The following CACNA2D2 variants were observed in gnomAD, a reference collection of about 807,000 sequenced individuals.
The protein encoded by CACNA2D2 is voltage-dependent calcium channel subunit alpha-2/delta-2.
A neutral mutation model predicts 166.4 loss-of-function variants in CACNA2D2; 48 were observed. The observed-to-expected ratio is 0.29, with a 90% CI of 0.23 to 0.37. The LOEUF is 0.37. Among genes scored for constraint, CACNA2D2 ranks in the 10% least tolerant of loss-of-function variants. The pLI, the probability that CACNA2D2 is intolerant of heterozygous loss-of-function variation, is 1.00. For missense variants in CACNA2D2, 1,122 were observed against 1,433.0 expected, an observed-to-expected ratio of 0.78 and a Z score of 3.50; for synonymous variants, 561 against 573.7, an observed-to-expected ratio of 0.98 and a Z score of 0.32.
Position 50,367,445 on chromosome 3 carries a change from G to C in CACNA2D2, c.2350C>G (p.Arg784Gly). The C allele has an allele frequency of 1.9e-6, 3 of 1,613,954 alleles. No individual in the cohort carries two copies. The highest frequency in any genetic ancestry group is 1.7e-5 in the Admixed American group (1 of 60,020). The change falls in exon 27 of 38, where the codon CGC (arginine) becomes GGC (glycine). Residue 784 changes from arginine to glycine, a missense_variant. Around this residue, in one of 2 missense-constraint regions of CACNA2D2, gnomAD observed 840 missense variants for 1,166.8 expected, o/e 0.72. Transcript: ENST00000424201. This position sits in a 1 kb window ranked among gnomAD's most constrained non-coding sequence, Gnocchi z 6.5. Reference protein sequence around the residue: ...NPEPFNASFYRRSLDNHGYVF... With the variant: ...NPEPFNASFYGRSLDNHGYVF... ...TAACCGTGGTTATCCAGGCTGCGGCGGTAGAAGCTGGCATTGAAGGGCTCA... is the reference window on the plus strand; with the variant it reads ...TAACCGTGGTTATCCAGGCTGCGGCCGTAGAAGCTGGCATTGAAGGGCTCA...
At chr3:50,476,258 A>T (rs1575750182) in intron 1 of CACNA2D2, 59 bp from the exon 2 acceptor site, 1 of 1,367,174 alleles carries the variant, frequency 7.3e-7, no homozygotes, top group Admixed American at 2.0e-5. Context: ...GCACAGCCCC[A>T]CCCCAGCCAA....
rs34662551 is a variant in CACNA2D2 at position 50,381,981 on chromosome 3, T to TACACACACAC, written c.653-865_653-856dup. Among the ~76,000 whole-genome samples, 480 of 133,460 alleles carry TACACACACAC rather than the reference T, an allele frequency of 3.6e-3. 5 individuals are homozygous for TACACACACAC. The highest frequency in any genetic ancestry group is 5.6e-3 in the African/African-American group (191 of 34,150). The allele number at this position is 133,460 out of a possible 152,430, so 87.6% of individuals were successfully genotyped here. A position where few individuals can be genotyped will look rare whatever the true frequency, so the allele number is the denominator to read the frequency against. On this transcript the variant is annotated intron_variant, in intron 6 of 37. Transcript: ENST00000424201. The stretch of plus-strand genomic sequence containing the variant: ...GTGATCCCCTGTCCAGATCTATCCC[T>TACACACACAC]ACACACACACACACACACACACACA...
intron 3 of CACNA2D2, among the ~76,000 whole-genome samples, chr3:50,425,495 G>A (rs530757011): frequency 3.3e-5 from 5 of 152,320 alleles, no homozygotes; most frequent in South Asian, 2.1e-4. Flanking sequence ...GTCTGGGCCC[G>A]AGGGCAGGGA....
intron 22 of CACNA2D2, among the ~76,000 whole-genome samples, chr3:50,372,722 A>T (rs1188535353): frequency 6.6e-6 from 1 of 152,026 alleles, no homozygotes; most frequent in African/African-American, 2.4e-5. Flanking sequence ...GGTGGTGGAG[A>T]AGCGTCCAGA....
At chr3:50,494,435 C>T (rs1698644976) in intron 1 of CACNA2D2, among the ~76,000 whole-genome samples, 1 of 152,084 alleles carries the variant, frequency 6.6e-6, no homozygotes, top group Non-Finnish European at 1.5e-5. Flanking sequence ...AGAGCATGGG[C>T]CTCTACCATC....
intron 6 of CACNA2D2, among the ~76,000 whole-genome samples, chr3:50,383,991 T>A (rs1705457110): frequency 6.6e-6 from 1 of 152,220 alleles, no homozygotes; most frequent in African/African-American, 2.4e-5. Context: ...TGCAACTTGC[T>A]GAGTGTTAGG....
rs1240820306 is a variant in CACNA2D2 at position 50,367,217 on chromosome 3, A to G, written c.2402-108T>C. On this transcript the variant is annotated intron_variant, in intron 27 of 37. Coordinates refer to ENST00000424201, the MANE Select transcript of CACNA2D2 (RefSeq NM_006030.4). The surrounding 1 kb of genome is among the most constrained non-coding windows in gnomAD (Gnocchi z 6.5). The stretch of plus-strand genomic sequence containing the variant: ...CCAATCCCGGGATGACTCCAGCCCA[A>G]GCACCCAGCACTCAGGACAGTGTTT... 2.0e-6 allele frequency: 2 copies of G among 1,000,346 alleles called. No individual in the cohort carries two copies. The highest frequency in any genetic ancestry group is 1.6e-5 in the African/African-American group (1 of 62,658). 62.0% of individuals were successfully genotyped at this position (1,000,346 alleles called of 1,614,324 possible).
intron 2 of CACNA2D2, among the ~76,000 whole-genome samples, chr3:50,447,758 C>A (rs1341004856): frequency 2.0e-5 from 3 of 152,168 alleles, no homozygotes; most frequent in African/African-American, 4.8e-5. Context: ...GCCTCCCTGC[C>A]TGCTTGCCCA....
At chr3:50,393,974 G>A (rs1706015246) in intron 4 of CACNA2D2, 135 bp downstream of exon 4, 1 of 721,500 alleles carries the variant, frequency 1.4e-6, no homozygotes. Flanking sequence ...CTGAATGTTG[G>A]ACACCGGCTT....
At chr3:50,457,733 A>T (rs1403423079) in intron 2 of CACNA2D2, among the ~76,000 whole-genome samples, 1 of 152,052 alleles carries the variant, frequency 6.6e-6, no homozygotes, top group Non-Finnish European at 1.5e-5. Context: ...ACTTCCCTCC[A>T]CCTTTTATAT....
intron 2 of CACNA2D2, among the ~76,000 whole-genome samples, chr3:50,441,338 C>T (rs1229882015): frequency 2.0e-5 from 3 of 152,180 alleles, no homozygotes; most frequent in Non-Finnish European, 4.4e-5. Context: ...CATCCATTAC[C>T]GCAATTAGTA....
intron 2 of CACNA2D2, among the ~76,000 whole-genome samples, chr3:50,438,824 GGAGA>G (rs1708464711): frequency 6.6e-6 from 1 of 152,216 alleles, no homozygotes; most frequent in South Asian, 2.1e-4. Context: ...GAGAGGAAAA[GGAGA>G]GAGGAGAGGG....
chr3:50,500,352 C>G (rs1698908402), intron 1 of CACNA2D2, among the ~76,000 whole-genome samples: 1 of 152,132 alleles, frequency 6.6e-6, no homozygotes, highest in African/African-American at 2.4e-5. Context: ...GGGTGCTCCA[C>G]CCAGCACTCA....
chr3:50,474,395 G>C (rs1306573259), intron 2 of CACNA2D2, among the ~76,000 whole-genome samples: 2 of 152,106 alleles, frequency 1.3e-5, no homozygotes, highest in Non-Finnish European at 2.9e-5. Context: ...CTGTGTATGG[G>C]TCAAGAATGA....
In CACNA2D2 at chr3:50,379,170, C is replaced by T. The variant is rs771743599; in HGVS notation, c.1182G>A (p.Lys394=). Residue 394 remains lysine (K), a synonymous_variant, in exon 12 of 38, where the codon AAG becomes AAA. Coordinates refer to ENST00000424201, the MANE Select transcript of CACNA2D2 (RefSeq NM_006030.4). This position sits in a 1 kb window ranked among gnomAD's most constrained non-coding sequence, Gnocchi z 6.5. The stretch of plus-strand genomic sequence containing the variant: ...CACCATCCGTGAACATCATGATCAT[C>T]TTGTTGCAGTTGGCCCGAGTGATGT... ...NSNITRANCN[K]MIMMFTDGGE... is the part of the protein sequence containing the mutation. 6.2e-7 allele frequency: 1 copy of T among 1,613,998 alleles called. No homozygotes were observed. Among genetic ancestry groups the T allele is most frequent in the East Asian group, 2.2e-5 (1 of 44,882 alleles).
At chr3:50,471,623 G>A (rs1710100537) in intron 2 of CACNA2D2, among the ~76,000 whole-genome samples, 1 of 152,188 alleles carries the variant, frequency 6.6e-6, no homozygotes, top group Non-Finnish European at 1.5e-5. Flanking sequence ...GAGTGTGCAT[G>A]TGTTTCAGAT....
intron 2 of CACNA2D2, among the ~76,000 whole-genome samples, chr3:50,456,322 G>C (rs779135437): frequency 8.5e-5 from 13 of 152,354 alleles, no homozygotes; most frequent in Middle Eastern, 3.4e-3. Flanking sequence ...AGGGCTGGTA[G>C]AGTGGGGGAG....
Position 50,366,697 on chromosome 3 carries a change from G to A in CACNA2D2, c.2590-72C>T, listed in dbSNP as rs1382197664. The stretch of plus-strand genomic sequence containing the variant: ...CCCTCCCATCACCTTTCATACATCC[G>A]GTTCCCCAGGCCATCTGCAGCTGGC... On this transcript the variant is annotated intron_variant, in intron 29 of 37. Transcript: ENST00000424201. The surrounding 1 kb of genome is among the most constrained non-coding windows in gnomAD (Gnocchi z 5.9). 20 of 1,591,460 alleles carry A rather than the reference G, an allele frequency of 1.3e-5. No individual in the cohort carries two copies. The highest frequency in any genetic ancestry group is 1.6e-5 in the Non-Finnish European group (18 of 1,161,118).
Position 50,379,314 on chromosome 3 carries a change from CTA to C in CACNA2D2, c.1152+116_1153-116del. 1 of 1,451,710 alleles carries C rather than the reference CTA, an allele frequency of 6.9e-7. No homozygotes were observed. The highest frequency in any genetic ancestry group is 9.6e-7 in the Non-Finnish European group (1 of 1,046,552). 89.9% of individuals were successfully genotyped at this position (1,451,710 alleles called of 1,614,324 possible). The stretch of plus-strand genomic sequence containing the variant: ...CCCTCCTCCCCCACAGCAGATGGAG[CTA>C]TCTGTCCAAGCTGCCTGTTTGGTGC... On this transcript the variant is annotated intron_variant, in intron 11 of 37. Transcript: ENST00000424201. This position sits in a 1 kb window ranked among gnomAD's most constrained non-coding sequence, Gnocchi z 6.5.
Sources: allele counts gnomAD v4.1 joint callset (sites outside exome capture counted in the v4.1 genomes callset), GRCh38; gene constraint gnomAD v4.1.1; regional missense constraint gnomAD v4.1.1; non-coding constraint Gnocchi (gnomAD v3.1); transcripts MANE v1.5; gene names NCBI Gene and HGNC (gene_info 2026-07-23, HGNC 2026-07-21).